The following TTC3 variants were observed in gnomAD, a reference collection of about 807,000 sequenced individuals.
TTC3 encodes the protein tetratricopeptide repeat domain 3, also known as E3 ubiquitin-protein ligase TTC3.
In TTC3, 180 loss-of-function variants were observed where a neutral mutation model predicts 249.6. That is an observed-to-expected ratio of 0.72 (90% CI 0.64 to 0.82). The LOEUF (loss-of-function observed/expected upper bound fraction) is 0.82. Among genes scored for constraint, TTC3 ranks in the 40% least tolerant of loss-of-function variants. TTC3 has a pLI of 0.00. For missense variants in TTC3, 2,061 were observed against 2,398.4 expected (o/e 0.86, Z 2.94); for synonymous variants, 717 against 805.0 (o/e 0.89, Z 1.85).
intron 8 of TTC3, among the ~76,000 whole-genome samples, chr21:37,095,137 A>ATGTGTGTGTGTGTGTGTCTGTGTG (rs372505505): frequency 2.5e-4 from 37 of 147,594 alleles, no homozygotes; most frequent in Non-Finnish European, 4.8e-4. Context: ...CTCTAAAAAT[A>ATGTGTGTGTGTGTGTGTCTGTGTG]TGTGTGTGTG....
chr21:37,118,787 T>C (rs2076362638), intron 11 of TTC3, among the ~76,000 whole-genome samples: 1 of 152,186 alleles, frequency 6.6e-6, no homozygotes, highest in Admixed American at 6.5e-5. Context: ...TCTCTTGTTA[T>C]GTCTTCAAGC....
chr21:37,086,779 G>T (rs923634102), intron 1 of TTC3: 2 of 160,150 alleles, frequency 1.2e-5, no homozygotes, highest in Admixed American at 5.8e-5. Context: ...CAGGATTTAG[G>T]TTAGGCCAGG....
intron 15 of TTC3, among the ~76,000 whole-genome samples, chr21:37,127,985 C>A (rs2077167558): frequency 6.6e-6 from 1 of 152,186 alleles, no homozygotes; most frequent in Non-Finnish European, 1.5e-5. Context: ...CCATTACTAT[C>A]ATTTAATTAA....
At chr21:37,181,341 C>T (rs1331015129) in intron 35 of TTC3, among the ~76,000 whole-genome samples, 1 of 152,230 alleles carries the variant, frequency 6.6e-6, no homozygotes, top group Admixed American at 6.5e-5. Flanking sequence ...GGATGGATCC[C>T]AGGTGAGATC....
chr21:37,187,088 T>A lies in TTC3; in HGVS notation c.4866T>A (p.Tyr1622Ter). ...ATGAGAAAATGAAAATAGAAGAGTA[T>A]ATAAAGAAAGGGAAAGAGGATTATG... is the stretch of plus-strand genomic sequence containing the variant. The change falls in exon 38 of 46, where the codon TAT becomes TAA. Residue 1622 changes from tyrosine (Y) to a stop codon, truncating the protein, a stop_gained. Transcript: ENST00000355666. LOFTEE classifies it high-confidence loss of function. The A allele has an allele frequency of 6.4e-7, 1 of 1,567,802 alleles. No individual in the cohort carries two copies. Among genetic ancestry groups the A allele is most frequent in the Non-Finnish European group, 8.6e-7 (1 of 1,165,514 alleles).
intron 28 of TTC3, 103 bp downstream of exon 28, chr21:37,157,009 AATT>A: frequency 1.4e-6 from 2 of 1,439,940 alleles, no homozygotes; most frequent in Non-Finnish European, 1.9e-6. Context: ...AAATAGTGAA[AATT>A]ATTATGGTAC....
intron 44 of TTC3, among the ~76,000 whole-genome samples, chr21:37,198,541 T>C (rs2085162283): frequency 6.6e-6 from 1 of 152,180 alleles, no homozygotes; most frequent in Non-Finnish European, 1.5e-5. Flanking sequence ...AACGAAGATA[T>C]AAAAGCTGAC....
At chr21:37,095,761 G>C (rs1403867131) in intron 9 of TTC3, among the ~76,000 whole-genome samples, 1 of 152,160 alleles carries the variant, frequency 6.6e-6, no homozygotes, top group East Asian at 1.9e-4. Context: ...TTATTAACTG[G>C]TCAAAAAGGA....
At chr21:37,096,818 G>A in intron 10 of TTC3, 175 bp downstream of exon 10, 1 of 530,898 alleles carries the variant, frequency 1.9e-6, no homozygotes, top group Non-Finnish European at 3.3e-6. Context: ...AGTGACAGCA[G>A]CAGCTATTCT....
chr21:37,164,346 T>G (rs902354294), intron 32 of TTC3, 131 bp downstream of exon 32: 1 of 946,684 alleles, frequency 1.1e-6, no homozygotes, highest in African/African-American at 1.7e-5. Flanking sequence ...TAGGATTTTT[T>G]TTTTTTTTTT....
chr21:37,074,718 T>G (rs1212865273), intron 1 of TTC3, among the ~76,000 whole-genome samples: 1 of 152,220 alleles, frequency 6.6e-6, no homozygotes, highest in Non-Finnish European at 1.5e-5. Flanking sequence ...TAAGGATACC[T>G]AGGGTAAGAA....
chr21:37,149,542 A>G (rs2835630), intron 23 of TTC3, among the ~76,000 whole-genome samples: 82,716 of 151,998 alleles, frequency 0.54, 23,101 homozygotes, highest in African/African-American at 0.65. Context: ...TTTTAAATAC[A>G]CTCTGTAAAT....
intron 28 of TTC3, among the ~76,000 whole-genome samples, chr21:37,159,009 C>G (rs1017697030): frequency 1.3e-5 from 2 of 152,170 alleles, no homozygotes; most frequent in Non-Finnish European, 2.9e-5. Context: ...ATCTGTCTAA[C>G]ATTCTGTTAA....
chr21:37,183,544 A>G (rs1030434714), intron 36 of TTC3, among the ~76,000 whole-genome samples: 4 of 152,120 alleles, frequency 2.6e-5, no homozygotes, highest in Non-Finnish European at 5.9e-5. Flanking sequence ...GTATTTGCTC[A>G]TGGTCCTGCA....
chr21:37,190,292 C>T (rs1019974588), intron 39 of TTC3, among the ~76,000 whole-genome samples: 2 of 151,582 alleles, frequency 1.3e-5, no homozygotes, highest in Non-Finnish European at 2.9e-5. Flanking sequence ...CCCACCACCA[C>T]GCCAGGCTGA....
At chr21:37,189,484 T>C (rs1010173536) in intron 39 of TTC3, among the ~76,000 whole-genome samples, 1 of 152,112 alleles carries the variant, frequency 6.6e-6, no homozygotes, top group African/African-American at 2.4e-5. Flanking sequence ...GACCTCGTGA[T>C]CCACCCACCT....
intron 11 of TTC3, among the ~76,000 whole-genome samples, chr21:37,117,850 A>G (rs936418593): frequency 2.7e-5 from 4 of 149,982 alleles, no homozygotes; most frequent in South Asian, 2.1e-4. Context: ...AAAAAAAAAA[A>G]AAAGAAAAAA....
chr21:37,074,145 C>T (rs1013440957), intron 1 of TTC3, among the ~76,000 whole-genome samples: 12 of 151,646 alleles, frequency 7.9e-5, no homozygotes, highest in Admixed American at 6.0e-4. Context: ...GGGCCTGTCC[C>T]CACGGAACGG....
At chr21:37,158,275 A>G (rs1292132944) in intron 28 of TTC3, 15 of 917,048 alleles carry the variant, frequency 1.6e-5, no homozygotes, top group Non-Finnish European at 1.8e-5. Context: ...CAAGACAACT[A>G]AAAAGGACAC....
Sources: gnomAD v4.1 joint callset for allele counts (sites outside exome capture counted in the v4.1 genomes callset) on GRCh38, gnomAD v4.1.1 for gene constraint, MANE v1.5 for transcripts, NCBI Gene and HGNC (gene_info 2026-07-23, HGNC 2026-07-21) for gene names.